Variants in ST7 observed in about 807,000 individuals in gnomAD.
ST7 encodes the protein suppressor of tumorigenicity 7 protein.
ST7 carries 28 observed loss-of-function variants against 78.7 expected under a neutral mutation model. The ratio of observed to expected loss-of-function variants is 0.36; its 90% CI spans 0.26 to 0.49. ST7 has a LOEUF of 0.49. ST7 is among the 20% of genes least tolerant of loss of function. The pLI is 0.99. For synonymous variants in ST7, 247 were observed against 249.6 expected, an observed-to-expected ratio of 0.99 and a Z score of 0.10; for missense variants, 418 against 696.0, an observed-to-expected ratio of 0.60 and a Z score of 4.49.
At chr7:117,040,417 T>C (rs1370021499) in intron 1 of ST7, among the ~76,000 whole-genome samples, 6 of 150,378 alleles carry the variant, frequency 4.0e-5, no homozygotes, top group Admixed American at 1.3e-4. Flanking sequence ...TATACACACA[T>C]ACACACACAC....
intron 1 of ST7, among the ~76,000 whole-genome samples, chr7:117,062,646 A>G (rs1257043547): frequency 6.6e-6 from 1 of 152,226 alleles, no homozygotes; most frequent in African/African-American, 2.4e-5. Flanking sequence ...CTAAGATACA[A>G]TAAATTTATG....
At chr7:117,104,936 T>A (rs1801839021) in intron 2 of ST7, among the ~76,000 whole-genome samples, 1 of 152,104 alleles carries the variant, frequency 6.6e-6, no homozygotes, top group Non-Finnish European at 1.5e-5. Context: ...TTATATATGA[T>A]CTTGAGGTTA....
chr7:117,178,276 T>C (rs915355965), intron 10 of ST7, among the ~76,000 whole-genome samples: 1 of 152,196 alleles, frequency 6.6e-6, no homozygotes, highest in Non-Finnish European at 1.5e-5. Context: ...GAGATAAATA[T>C]AACCTATTCT....
At chr7:117,081,086 A>T (rs1424459277) in intron 1 of ST7, 1 of 152,182 alleles carries the variant, frequency 6.6e-6, no homozygotes, top group African/African-American at 2.4e-5. Context: ...GGAAGAGAAA[A>T]TAAATTATAT....
intron 1 of ST7, among the ~76,000 whole-genome samples, chr7:117,052,633 G>T (rs1017315413): frequency 1.3e-5 from 2 of 152,194 alleles, no homozygotes; most frequent in African/African-American, 4.8e-5. Context: ...AGTGGCTCAC[G>T]CCTATAATCC....
intron 1 of ST7, among the ~76,000 whole-genome samples, chr7:116,957,569 TGAAAATA>T (rs1166926713): frequency 6.6e-6 from 1 of 152,220 alleles, no homozygotes; most frequent in African/African-American, 2.4e-5. Flanking sequence ...TATGATTTAC[TGAAAATA>T]GAATGAAATT....
intron 1 of ST7, among the ~76,000 whole-genome samples, chr7:117,086,998 AC>A (rs1399947479): frequency 6.6e-6 from 1 of 152,136 alleles, no homozygotes; most frequent in African/African-American, 2.4e-5. Flanking sequence ...TGGGTTACAC[AC>A]CCTCACCCAG....
At chr7:117,147,335 T>C (rs992335578) in intron 9 of ST7, among the ~76,000 whole-genome samples, 2 of 152,204 alleles carry the variant, frequency 1.3e-5, no homozygotes, top group African/African-American at 4.8e-5. Context: ...TGGGATTATA[T>C]ACGTGCTAGA....
At chr7:117,110,860 C>A (rs907162252) in intron 2 of ST7, among the ~76,000 whole-genome samples, 2 of 152,182 alleles carry the variant, frequency 1.3e-5, no homozygotes, top group African/African-American at 4.8e-5. Context: ...TTTTCTGTGC[C>A]CCTGCTGAAC....
At chr7:117,211,745 T>A (rs1292223000) in intron 13 of ST7, among the ~76,000 whole-genome samples, 1 of 152,100 alleles carries the variant, frequency 6.6e-6, no homozygotes, top group Non-Finnish European at 1.5e-5. Flanking sequence ...CTTTGGAAAT[T>A]AGTTATCCAT....
At chr7:116,992,518 C>T (rs1794475213) in intron 1 of ST7, among the ~76,000 whole-genome samples, 1 of 152,196 alleles carries the variant, frequency 6.6e-6, no homozygotes, top group Admixed American at 6.5e-5. Flanking sequence ...GCACAAAGTC[C>T]CTAGACTGCA....
intron 1 of ST7, among the ~76,000 whole-genome samples, chr7:116,962,106 G>C (rs1792865682): frequency 6.6e-6 from 1 of 152,134 alleles, no homozygotes; most frequent in Non-Finnish European, 1.5e-5. Flanking sequence ...CCCTGCAAAG[G>C]AGATGATCTC....
chr7:117,206,600 A>C (rs1433536806), intron 12 of ST7, among the ~76,000 whole-genome samples: 1 of 152,192 alleles, frequency 6.6e-6, no homozygotes, highest in Non-Finnish European at 1.5e-5. Context: ...CTGCAGGCTG[A>C]GTAAGCCATC....
In ST7 at chr7:117,131,810, T is replaced by A. The variant is rs1160551861; in HGVS notation, c.566-75T>A. On this transcript the variant is annotated intron_variant, in intron 5 of 15. Transcript: ENST00000323984. ...GTAATTTAAGCTGACACTCCTAATTTAGCTCTTGTCCTCTACTGAGTCTAC... is the reference window on the plus strand; with the variant it reads ...GTAATTTAAGCTGACACTCCTAATTAAGCTCTTGTCCTCTACTGAGTCTAC... 34 of 1,315,018 alleles carry A rather than the reference T, an allele frequency of 2.6e-5. No individual in the cohort carries two copies. In the Admixed American group the frequency reaches 4.8e-4, roughly 18 times the overall value. 81.5% of individuals were successfully genotyped at this position (1,315,018 alleles called of 1,614,324 possible).
rs77104984 is a variant in ST7 at position 116,994,700 on chromosome 7, A to G, written c.151+41009A>G. Among the ~76,000 whole-genome samples, 931 of 152,354 alleles carry G rather than the reference A, an allele frequency of 6.1e-3. 9 individuals are homozygous for G. Among genetic ancestry groups the G allele is most frequent in the Non-Finnish European group, 9.0e-3 (615 of 68,034 alleles). Reference sequence around the variant, plus strand: ...ACTATTAAAAATGAATTCATTAACCATTCGAGGGAATACTTCGACATTGGA... The same window carrying G: ...ACTATTAAAAATGAATTCATTAACCGTTCGAGGGAATACTTCGACATTGGA... On this transcript the variant is annotated intron_variant, in intron 1 of 15. Transcript: ENST00000323984.
intron 1 of ST7, among the ~76,000 whole-genome samples, chr7:116,980,760 A>C (rs1177811507): frequency 6.6e-6 from 1 of 152,250 alleles, no homozygotes; most frequent in Non-Finnish European, 1.5e-5. Context: ...ATCACTTTGA[A>C]ATACTTTAGT....
At chr7:117,003,304 C>CT (rs919773304) in intron 1 of ST7, among the ~76,000 whole-genome samples, 11 of 149,758 alleles carry the variant, frequency 7.3e-5, no homozygotes, top group African/African-American at 2.7e-4. Flanking sequence ...GCTAATTTTT[C>CT]TTTATTTTTC....
At chr7:116,953,733 C>T (rs748711364) in intron 1 of ST7, 42 bp downstream of exon 1, 2 of 1,356,944 alleles carry the variant, frequency 1.5e-6, no homozygotes, top group Non-Finnish European at 1.9e-6. Context: ...ACCCCTCCCC[C>T]GCCCCGGAAA....
At chr7:117,099,502 A>G (rs1289948857) in intron 1 of ST7, among the ~76,000 whole-genome samples, 1 of 152,188 alleles carries the variant, frequency 6.6e-6, no homozygotes, top group East Asian at 1.9e-4. Flanking sequence ...ACCGTTATCA[A>G]CAATTGTTTT....
Sources: gnomAD v4.1 joint callset for allele counts (sites outside exome capture counted in the v4.1 genomes callset) on GRCh38, gnomAD v4.1.1 for gene constraint, MANE v1.5 for transcripts, NCBI Gene and HGNC (gene_info 2026-07-23, HGNC 2026-07-21) for gene names.